ASTN2: variants seen among roughly 807,000 people sequenced by gnomAD.
ASTN2 encodes the protein astrotactin-2.
Under a neutral mutation model 139.8 loss-of-function variants are expected in ASTN2, and 54 were observed. The observed-to-expected ratio is 0.39, with a 90% CI of 0.31 to 0.48. ASTN2 has a LOEUF of 0.48. Among genes scored for constraint, ASTN2 ranks in the 20% least tolerant of loss-of-function variants. ASTN2 has a pLI of 0.95. For missense variants in ASTN2, 1,565 were observed against 1,725.1 expected, an observed-to-expected ratio of 0.91 and a Z score of 1.64; for synonymous variants, 756 against 719.5, an observed-to-expected ratio of 1.05 and a Z score of -0.81.
chr9:116,804,690 T>C (rs950107492), intron 13 of ASTN2, among the ~76,000 whole-genome samples: 1 of 152,112 alleles, frequency 6.6e-6, no homozygotes, highest in Admixed American at 6.6e-5. Context: ...ATTAGTAAGA[T>C]GATGGAATGG....
chr9:117,005,787 C>T (rs1324076522), intron 7 of ASTN2, among the ~76,000 whole-genome samples: 1 of 152,248 alleles, frequency 6.6e-6, no homozygotes, highest in East Asian at 1.9e-4. Context: ...TTCTTCACTC[C>T]TGTCTTGCTT....
At chr9:117,204,269 G>C (rs571414936) in intron 3 of ASTN2, among the ~76,000 whole-genome samples, 16 of 152,292 alleles carry the variant, frequency 1.1e-4, no homozygotes, top group African/African-American at 3.8e-4. Flanking sequence ...ATTTCGGCCA[G>C]GCTGGTCTGG....
intron 16 of ASTN2, among the ~76,000 whole-genome samples, chr9:116,691,643 T>A (rs942174636): frequency 1.3e-5 from 2 of 152,240 alleles, no homozygotes; most frequent in African/African-American, 4.8e-5. Flanking sequence ...AAGCCCCTAC[T>A]TGTTGAGTTT....
At chr9:116,973,305 C>G (rs192642755) in intron 10 of ASTN2, among the ~76,000 whole-genome samples, 88 of 151,138 alleles carry the variant, frequency 5.8e-4, no homozygotes, top group East Asian at 5.8e-3. Flanking sequence ...ATGATATGAA[C>G]TATTATTATT....
At position 117,385,457 on chromosome 9, in the gene ASTN2, G is replaced by A. The variant is rs139756776; in HGVS notation, c.442+29040C>T. Among the ~76,000 whole-genome samples, 71 of 152,314 alleles carry A rather than the reference G, an allele frequency of 4.7e-4. 1 individual carries two copies. In the East Asian group the frequency reaches 0.013, roughly 29 times the overall value. On this transcript the variant is annotated intron_variant, in intron 1 of 22. Coordinates refer to ENST00000313400, the MANE Select transcript of ASTN2 (RefSeq NM_001365068.1). ...AGAGAGAGATCTGTGAGAACAAGGGGAGGCAAGGGGAGGGGAAGGCTAGGT... is the reference window on the plus strand; with the variant it reads ...AGAGAGAGATCTGTGAGAACAAGGGAAGGCAAGGGGAGGGGAAGGCTAGGT...
chr9:117,099,448 T>A (rs17308701), intron 4 of ASTN2, among the ~76,000 whole-genome samples: 16,645 of 152,258 alleles, frequency 0.11, 1,119 homozygotes, highest in Non-Finnish European at 0.16. Flanking sequence ...AAATCTGGCT[T>A]ACAGGAATCA....
chr9:117,377,631 T>C (rs563497687), intron 1 of ASTN2, among the ~76,000 whole-genome samples: 1 of 151,584 alleles, frequency 6.6e-6, no homozygotes, highest in African/African-American at 2.4e-5. Context: ...GAAATGCACA[T>C]GGCAAGAAGC....
rs147991348 is a variant in ASTN2, at chr9:117,306,779, C to T, written c.443-15266G>A. ...TCTAGCTGGTGTCCCATCCACTCAT[C>T]CCATGCACCTTTTTTGAATGTTTTT... On this transcript the variant is annotated intron_variant, in intron 1 of 22. Coordinates refer to ENST00000313400, the MANE Select transcript of ASTN2 (RefSeq NM_001365068.1). Among the ~76,000 whole-genome samples the T allele has an allele frequency of 5.9e-5, 9 of 152,286 alleles. No individual in the cohort carries two copies. The East Asian group carries it at 1.7e-3, about 29-fold the overall frequency.
chr9:116,803,506 ATATATATATATATATATTTTT>A (rs1255611823), intron 13 of ASTN2, among the ~76,000 whole-genome samples: 5 of 7,908 alleles, frequency 6.3e-4, no homozygotes, highest in South Asian at 5.7e-3. Flanking sequence ...ATATATATAT[ATATATATATATATATATTTTT>A]TTTTTTTTTT....
rs201046437 is a variant in ASTN2 at position 117,262,413 on chromosome 9, A to ATTTT, written c.630+28912_630+28913insAAAA. On this transcript the variant is annotated intron_variant, in intron 2 of 22. Coordinates refer to ENST00000313400, the MANE Select transcript of ASTN2 (RefSeq NM_001365068.1). ...TGTTTCTTTTTTTATTTATTTATTTATTTATTTTTTATCTCCTTAGCATCC... is the reference window on the plus strand; with the variant it reads ...TGTTTCTTTTTTTATTTATTTATTTATTTTTTTATTTTTTATCTCCTTAGCATCC... Among the ~76,000 whole-genome samples the ATTTT allele has an allele frequency of 2.1e-3, 250 of 117,482 alleles. 1 individual carries two copies. The highest frequency in any genetic ancestry group is 0.011 in the East Asian group (45 of 4,200). The allele number at this position is 117,482 out of a possible 152,430, so 77.1% of individuals were successfully genotyped here. A position where few individuals can be genotyped will look rare whatever the true frequency, so the allele number is the denominator to read the frequency against.
chr9:116,857,494 C>G (rs1832771668), intron 11 of ASTN2, among the ~76,000 whole-genome samples: 1 of 152,180 alleles, frequency 6.6e-6, no homozygotes, highest in African/African-American at 2.4e-5. Context: ...CTGGTCCATT[C>G]ACAGTGCTGG....
chr9:116,896,836 C>A (rs1229926668), intron 10 of ASTN2, among the ~76,000 whole-genome samples: 1 of 152,160 alleles, frequency 6.6e-6, no homozygotes, highest in Non-Finnish European at 1.5e-5. Context: ...ATGGGGACAC[C>A]ATCCCAGTGA....
intron 2 of ASTN2, among the ~76,000 whole-genome samples, chr9:117,232,318 C>A (rs1832918429): frequency 6.6e-6 from 1 of 152,166 alleles, no homozygotes; most frequent in Non-Finnish European, 1.5e-5. Context: ...TCCCCCAAAT[C>A]TCTCTCTTGC....
At chr9:116,916,768 G>T (rs1468778285) in intron 10 of ASTN2, among the ~76,000 whole-genome samples, 1 of 152,142 alleles carries the variant, frequency 6.6e-6, no homozygotes, top group Non-Finnish European at 1.5e-5. Flanking sequence ...GGAGGCAGAG[G>T]TCGCAGTGAG....
At chr9:116,941,130 A>T (rs1835215938) in intron 10 of ASTN2, among the ~76,000 whole-genome samples, 1 of 151,952 alleles carries the variant, frequency 6.6e-6, no homozygotes, top group South Asian at 2.1e-4. Flanking sequence ...TCTCAGAACA[A>T]ATCCCTTTCG....
chr9:116,499,405 A>G (rs945367853), intron 19 of ASTN2, among the ~76,000 whole-genome samples: 3 of 152,092 alleles, frequency 2.0e-5, no homozygotes, highest in African/African-American at 4.8e-5. Context: ...TCATCCCTTA[A>G]GTTTTTGCTC....
chr9:117,269,595 A>C (rs1166427368), intron 2 of ASTN2, among the ~76,000 whole-genome samples: 2 of 152,204 alleles, frequency 1.3e-5, no homozygotes, highest in Non-Finnish European at 2.9e-5. Flanking sequence ...TCCAGCTGAG[A>C]CAGAAAATGA....
chr9:117,228,394 G>C (rs2133051209), intron 2 of ASTN2, among the ~76,000 whole-genome samples: 1 of 152,198 alleles, frequency 6.6e-6, no homozygotes, highest in Middle Eastern at 3.4e-3. Context: ...GGGTCTCTTA[G>C]AGGCATTGTT....
rs187907492 is a variant in ASTN2, at chr9:116,959,756, T to C, written c.1889+15452A>G. On this transcript the variant is annotated intron_variant, in intron 10 of 22. Coordinates refer to ENST00000313400, the MANE Select transcript of ASTN2 (RefSeq NM_001365068.1). Reference sequence around the variant, plus strand: ...AAAAGATGAAGAAAACACCTTCCCATGCAGAAGACAGAAAGGAAAACAACC... The same window carrying C: ...AAAAGATGAAGAAAACACCTTCCCACGCAGAAGACAGAAAGGAAAACAACC... Among the ~76,000 whole-genome samples the C allele has an allele frequency of 3.2e-4, 48 of 152,122 alleles. 1 individual carries two copies. The highest frequency in any genetic ancestry group is 1.2e-3 in the African/African-American group (48 of 41,532).
Sources: gnomAD v4.1 joint callset for allele counts (sites outside exome capture counted in the v4.1 genomes callset) on GRCh38, gnomAD v4.1.1 for gene constraint, MANE v1.5 for transcripts, NCBI Gene and HGNC (gene_info 2026-07-23, HGNC 2026-07-21) for gene names.